Variants in OBSL1 observed in about 807,000 individuals in gnomAD.
The protein encoded by OBSL1 is obscurin like cytoskeletal adaptor 1.
OBSL1 carries 160 observed loss-of-function variants against 172.0 expected under a neutral mutation model. That is an observed-to-expected ratio of 0.93 (90% confidence interval 0.82 to 1.06). The LOEUF (loss-of-function observed/expected upper bound fraction) is 1.06, where lower values mean the gene tolerates loss of function less well. Among genes scored for constraint, OBSL1 ranks in the 50% least tolerant of loss-of-function variants. OBSL1 has a pLI of 0.00. For synonymous variants in OBSL1, 1,200 were observed against 1,196.3 expected (o/e 1.00, Z -0.06); for missense variants, 2,681 against 2,715.4 (o/e 0.99, Z 0.28).
At chr2:219,565,957 G>A (rs753164268) in intron 5 of OBSL1, among the ~76,000 whole-genome samples, 6 of 152,184 alleles carry the variant, frequency 3.9e-5, no homozygotes, top group Non-Finnish European at 7.4e-5. Context: ...CGTGATCCTT[G>A]AACTTTGAGC....
Position 219,567,566 on chromosome 2 carries a change from T to C in OBSL1, c.1544A>G (p.His515Arg), listed in dbSNP as rs769329855. ...CAATATGGGGGGTCCTGGGGGACTG[T>C]GCTTGACACCTGAGACCAAGGCAGG... Reference protein sequence around the residue: ...TTLLRVKCVKHSPPGPPILAE... With the variant: ...TTLLRVKCVKRSPPGPPILAE... The change falls in exon 4 of 21, where the codon CAC (histidine) becomes CGC (arginine). Residue 515 changes from histidine to arginine, a missense_variant. This residue lies in a region of OBSL1 where 706 missense variants were observed against 695.8 expected (regional missense o/e 1.01). Coordinates refer to ENST00000404537, the MANE Select transcript of OBSL1 (RefSeq NM_015311.3). The C allele has an allele frequency of 6.2e-7, 1 of 1,609,530 alleles. No individual in the cohort carries two copies. Among genetic ancestry groups the C allele is most frequent in the Admixed American group, 1.7e-5 (1 of 59,872 alleles).
chr2:219,549,188 T>C, downstream of OBSL1: 3 of 1,613,972 alleles, frequency 1.9e-6, no homozygotes, highest in South Asian at 2.2e-5. Flanking sequence ...GTGCAACTGA[T>C]GCGGATTCGG....
At chr2:219,548,077 G>A (rs370539894), downstream of OBSL1, 30 of 1,548,114 alleles carry the variant, frequency 1.9e-5, no homozygotes, top group African/African-American at 1.2e-4. Flanking sequence ...ACTCCCACAC[G>A]GAAGGTAAGG....
At position 219,551,734 on chromosome 2, in the gene OBSL1, C is replaced by T; in HGVS notation, c.5478G>A (p.Ala1826=). Residue 1826 remains alanine, a synonymous_variant, in exon 20 of 21, where the codon GCG becomes GCA. Transcript: ENST00000404537. ...REKTVLVGRR[A]VLEVTVSRSG... ...AGCGGGACACAGTCACCTCCAGCAC[C>T]GCCCGGCGGCCCACCAGAACGGTCT... is the stretch of plus-strand genomic sequence containing the variant. 6.2e-7 allele frequency: 1 copy of T among 1,602,262 alleles called. No individual in the cohort carries two copies. Among genetic ancestry groups the T allele is most frequent in the Non-Finnish European group, 8.5e-7 (1 of 1,173,048 alleles).
intron 8 of OBSL1, chr2:219,561,919 A>G: frequency 1.4e-6 from 1 of 717,518 alleles, no homozygotes; most frequent in Non-Finnish European, 2.6e-6. Context: ...CATGGGGGGA[A>G]GCGGGACCAG....
At chr2:219,562,917 G>A (rs558292568) in intron 7 of OBSL1, 11 of 564,798 alleles carry the variant, frequency 1.9e-5, no homozygotes, top group South Asian at 1.3e-4. Context: ...GGTCAGCCTC[G>A]GCTGTAGAAA....
rs150691758 is a variant in OBSL1, at chr2:219,559,448, G to A, written c.3003C>T (p.Ala1001=). The A allele has an allele frequency of 8.7e-3, 14,101 of 1,613,510 alleles. 91 individuals carry two copies. Among genetic ancestry groups the A allele is most frequent in the Non-Finnish European group, 0.01 (12,168 of 1,179,684 alleles). ...TCAGCACCACACACTCCAAGGTCAC[G>A]GCGATCAAGGTCACCTCATCGCGAG... is the stretch of plus-strand genomic sequence containing the variant. ...IYPRDEVTLI[A]VTLECVVLMC... Residue 1001 remains alanine, a synonymous_variant, in exon 9 of 21, where the codon GCC becomes GCT. Transcript: ENST00000404537.
At position 219,570,480 on chromosome 2, in the gene OBSL1, C is replaced by G; in HGVS notation, c.753G>C (p.Ala251=). 1 of 1,612,788 alleles carries G rather than the reference C, an allele frequency of 6.2e-7. No individual in the cohort carries two copies. The highest frequency in any genetic ancestry group is 2.2e-5 in the East Asian group (1 of 44,828). The change falls in exon 1 of 21, where the codon GCG becomes GCC. Residue 251 remains alanine (A), a synonymous_variant. Coordinates refer to ENST00000404537, the MANE Select transcript of OBSL1 (RefSeq NM_015311.3). ...PAPVVEPLKC[A]PKTFWVNEGK... is the part of the protein sequence containing the mutation. ...CCTCGTTCACCCAGAAGGTCTTAGG[C>G]GCGCACTTGAGCGGCTCCACCACCG...
rs1474316424 is a variant in OBSL1 at position 219,556,052 on chromosome 2, T to C, written c.4577A>G (p.His1526Arg). The change falls in exon 14 of 21, where the codon CAC (histidine) becomes CGC (arginine). Residue 1526 changes from histidine to arginine, a missense_variant. This residue lies in a region of OBSL1 where 1,765 missense variants were observed against 1,748.3 expected (regional missense o/e 1.01). Coordinates refer to ENST00000404537, the MANE Select transcript of OBSL1 (RefSeq NM_015311.3). ...DQGTYGCESHHDRTLARLSVR... is the reference protein window; with the variant it reads ...DQGTYGCESHRDRTLARLSVR... The stretch of plus-strand genomic sequence containing the variant: ...GCTGAGCCTGGCCAGGGTGCGATCG[T>C]GGTGGCTCTCGCAGCCGTAGGTGCC... 1.2e-6 allele frequency: 2 copies of C among 1,613,668 alleles called. No individual in the cohort carries two copies. The highest frequency in any genetic ancestry group is 2.2e-5 in the South Asian group (2 of 91,082).
intron 6 of OBSL1, among the ~76,000 whole-genome samples, chr2:219,564,520 G>A (rs969317050): frequency 6.6e-6 from 1 of 152,216 alleles, no homozygotes; most frequent in African/African-American, 2.4e-5. Flanking sequence ...CATAGTGCTT[G>A]GCTCAGAGTA....
chr2:219,562,122 G>T, intron 8 of OBSL1: 1 of 687,176 alleles, frequency 1.5e-6, no homozygotes. Context: ...TTCAGAATAG[G>T]GACCGTATTT....
In OBSL1 at chr2:219,556,172, C is replaced by T. The variant is rs370117281; in HGVS notation, c.4457G>A (p.Gly1486Asp). Residue 1486 changes from glycine (G) to aspartate (D), a missense_variant, in exon 14 of 21, where the codon GGT becomes GAT. Physicochemically the swap from Gly to Asp is moderately conservative, Grantham distance 94. Coordinates refer to ENST00000404537, the MANE Select transcript of OBSL1 (RefSeq NM_015311.3). The stretch of plus-strand genomic sequence containing the variant: ...AGAGTCGTGGGGCAGGGGCTGCCCA[C>T]CTCGCACCCAGCGCACGGCCCCCGC... ...GAAGAVRWVR[G>D]GQPLPHDSRL... is the part of the protein sequence containing the mutation. 7 of 1,613,358 alleles carry T rather than the reference C, an allele frequency of 4.3e-6. No homozygotes were observed. Among genetic ancestry groups the T allele is most frequent in the Non-Finnish European group, 5.9e-6 (7 of 1,179,728 alleles).
rs763020223 is a variant in OBSL1, at chr2:219,570,519, G to T, written c.714C>A (p.Asp238Glu). ...QPPESPPADP[D>E]EAPAPVVEPL... Reference sequence around the variant, plus strand: ...GCTCCACCACCGGCGCGGGGGCCTCGTCGGGGTCCGCGGGCGGGCTCTCGG... The same window carrying T: ...GCTCCACCACCGGCGCGGGGGCCTCTTCGGGGTCCGCGGGCGGGCTCTCGG... Residue 238 changes from aspartate to glutamate, a missense_variant, in exon 1 of 21, where the codon GAC becomes GAA. Around this residue, in one of 5 missense-constraint regions of OBSL1, gnomAD observed 706 missense variants for 695.8 expected, o/e 1.01. Transcript: ENST00000404537. The T allele has an allele frequency of 6.2e-7, 1 of 1,610,376 alleles. No homozygotes were observed. Among genetic ancestry groups the T allele is most frequent in the African/African-American group, 1.3e-5 (1 of 74,800 alleles).
At chr2:219,548,505 A>G (rs567499625), downstream of OBSL1, among the ~76,000 whole-genome samples, 5 of 152,280 alleles carry the variant, frequency 3.3e-5, no homozygotes, top group East Asian at 7.7e-4. Context: ...AGGAGGTGAT[A>G]TGTAAGCAGG....
chr2:219,563,663 C>T lies in OBSL1; in HGVS notation c.2408-36G>A, dbSNP rs1258309678. The T allele has an allele frequency of 1.9e-6, 3 of 1,591,180 alleles. No individual in the cohort carries two copies. The Admixed American group carries it at 5.1e-5, about 27-fold the overall frequency. On this transcript the variant is annotated intron_variant, in intron 6 of 20. Transcript: ENST00000404537. ...AGCAGAGATGGCATTGCACAGACAC[C>T]CCCGCACAATGAGTCCAAACTAGCT...
intron 18 of OBSL1, 61 bp from the exon 19 acceptor site, chr2:219,552,277 G>A: frequency 6.1e-6 from 9 of 1,466,390 alleles, no homozygotes; most frequent in East Asian, 2.5e-5. Flanking sequence ...TGGGGACGAA[G>A]GTGGGGGCCC....
rs1309431819 is a variant in OBSL1, at chr2:219,559,493, G to A, written c.2958C>T (p.Pro986=). 1.9e-6 allele frequency: 3 copies of A among 1,606,144 alleles called. No homozygotes were observed. The African/African-American group carries it at 4.0e-5, about 21-fold the overall frequency. Reference sequence around the variant, plus strand: ...CGCGAGGGTATATGATCCGCACTGGGGGTTCTGCAGGGTGGGGACAACCAC... The same window carrying A: ...CGCGAGGGTATATGATCCGCACTGGAGGTTCTGCAGGGTGGGGACAACCAC... ...SASFTVTVTE[P]PVRIIYPRDE... The change falls in exon 9 of 21, where the codon CCC becomes CCT. Residue 986 remains proline (P), a synonymous_variant. Transcript: ENST00000404537.
rs372718496 is a variant in OBSL1, at chr2:219,566,864, G to A, written c.2100C>T (p.Pro700=). The A allele has an allele frequency of 2.4e-5, 39 of 1,597,618 alleles. No individual in the cohort carries two copies. In the African/African-American group the frequency reaches 3.4e-4, roughly 14 times the overall value. The change falls in exon 5 of 21, where the codon CCC becomes CCT. Residue 700 remains proline (P), a synonymous_variant. Coordinates refer to ENST00000404537, the MANE Select transcript of OBSL1 (RefSeq NM_015311.3). ...TGAGGGCAGCTGAGTCCTGCACGCC[G>A]GGGCAGCTGAAGCCGACCAGGGCAC... The part of the protein sequence containing the change: ...DSGALVGFSC[P]GVQDSAALTI...
Position 219,551,788 on chromosome 2 carries a change from G to C in OBSL1, c.5424C>G (p.Leu1808=), listed in dbSNP as rs753249024. 6.3e-7 allele frequency: 1 copy of C among 1,581,870 alleles called. No individual in the cohort carries two copies. The highest frequency in any genetic ancestry group is 1.3e-5 in the African/African-American group (1 of 74,552). ...CGCGAGGGGGGTGGCGGCACATCTG[G>C]AGAGGCAATGCTGGGGGTAGGGGGC... ...LALLEVEALP[L]QMCRHPPREK... is the part of the protein sequence containing the mutation. Residue 1808 remains leucine (L), a synonymous_variant, in exon 20 of 21, where the codon CTC becomes CTG. Transcript: ENST00000404537.
Sources: gnomAD v4.1 joint callset for allele counts (sites outside exome capture counted in the v4.1 genomes callset) on GRCh38, gnomAD v4.1.1 for gene constraint, gnomAD v4.1.1 regional missense constraint, MANE v1.5 for transcripts, NCBI Gene and HGNC (gene_info 2026-07-23, HGNC 2026-07-21) for gene names.